The following RBM23 variants were observed in gnomAD, a reference collection of about 807,000 sequenced individuals.
The protein encoded by RBM23 is probable RNA-binding protein 23.
Under a neutral mutation model 56.2 loss-of-function variants are expected in RBM23, and 53 were observed. The ratio of observed to expected loss-of-function variants is 0.94; its 90% CI spans 0.76 to 1.19. RBM23 has a LOEUF of 1.19. RBM23 is among the 50% of genes most tolerant of loss of function. RBM23 has a pLI of 0.00. For synonymous variants in RBM23, 197 were observed against 198.5 expected, an observed-to-expected ratio of 0.99 and a Z score of 0.06; for missense variants, 642 against 590.3, an observed-to-expected ratio of 1.09 and a Z score of -0.91.
rs2040595170 is a variant in RBM23, at chr14:22,902,021, C to T, written c.1205G>A (p.Gly402Glu). The change falls in exon 12 of 14, where the codon GGA becomes GAA. Residue 402 changes from glycine to glutamate, a missense_variant. Physicochemically the swap from Gly to Glu is moderately conservative, Grantham distance 98 (BLOSUM62 -2). Transcript: ENST00000359890. ...AAQAAALQLN[G>E]AVPLGALNPA... ...ATTCAGGGCCCCCAAGGGAACTGCT[C>T]CATTCAGTTGCAAGGCAGCAGCCTG... The T allele has an allele frequency of 6.2e-7, 1 of 1,612,526 alleles. No homozygotes were observed. The highest frequency in any genetic ancestry group is 8.5e-7 in the Non-Finnish European group (1 of 1,179,232).
chr14:22,910,831 T>C (rs536356548), intron 2 of RBM23, among the ~76,000 whole-genome samples: 4 of 152,300 alleles, frequency 2.6e-5, no homozygotes, highest in South Asian at 4.1e-4. Flanking sequence ...GCCAACATGG[T>C]GAAACCCCGT....
chr14:22,910,909 G>A (rs1293954596), intron 2 of RBM23, among the ~76,000 whole-genome samples: 2 of 152,078 alleles, frequency 1.3e-5, no homozygotes, highest in Non-Finnish European at 2.9e-5. Flanking sequence ...TACTTGGGAC[G>A]CTGAGGCATG....
rs772342999 is a variant in RBM23, at chr14:22,903,237, G to C, written c.931-855C>G. Reference sequence around the variant, plus strand: ...CTGACCAGAAGGCCTTTACTCTCTAGTCCCTTTTATCAGCAGCACCCAGCA... The same window carrying C: ...CTGACCAGAAGGCCTTTACTCTCTACTCCCTTTTATCAGCAGCACCCAGCA... On this transcript the variant is annotated intron_variant, in intron 10 of 13. Transcript: ENST00000359890. 13 of 985,416 alleles carry C rather than the reference G, an allele frequency of 1.3e-5. No individual in the cohort carries two copies. The African/African-American group carries it at 1.6e-4, about 12-fold the overall frequency. 61.0% of individuals were successfully genotyped at this position (985,416 alleles called of 1,614,324 possible). A position where few individuals can be genotyped will look rare whatever the true frequency, so the allele number is the denominator to read the frequency against.
intron 10 of RBM23, chr14:22,903,294 CTGTT>C (rs886757559): frequency 8.4e-5 from 83 of 985,488 alleles, no homozygotes; most frequent in East Asian, 2.3e-4. Context: ...TCCCAGTCTG[CTGTT>C]TGTTTAAGTG....
intron 1 of RBM23, among the ~76,000 whole-genome samples, chr14:22,915,552 G>A (rs1203281503): frequency 1.5e-5 from 2 of 136,474 alleles, no homozygotes; most frequent in East Asian, 2.3e-4. Context: ...CTGGAGTGCG[G>A]TGGCACAATC....
Position 22,906,277 on chromosome 14 carries a change from G to A in RBM23, c.319C>T (p.Arg107Cys), listed in dbSNP as rs768066017. Reference protein sequence around the residue: ...QCRHRSRSWDRRHGSESRSRD... With the variant: ...QCRHRSRSWDCRHGSESRSRD... ...CTTCGCGACTCACTACCATGTCGAC[G>A]ATCCCAGCTACGGCTACGGTGACGA... The change falls in exon 5 of 14, where the codon CGT becomes TGT. Residue 107 changes from arginine to cysteine, a missense_variant. Coordinates refer to ENST00000359890, the MANE Select transcript of RBM23 (RefSeq NM_001077351.2). 30 of 1,614,080 alleles carry A rather than the reference G, an allele frequency of 1.9e-5. No homozygotes were observed. Among genetic ancestry groups the A allele is most frequent in the African/African-American group, 5.3e-5 (4 of 74,940 alleles).
intron 4 of RBM23, 28 bp from the exon 5 acceptor site, chr14:22,906,396 C>A: frequency 6.2e-7 from 1 of 1,609,818 alleles, no homozygotes; most frequent in Non-Finnish European, 8.5e-7. Flanking sequence ...TACAGTCATG[C>A]CCACATCATG....
At chr14:22,908,865 G>A (rs1258284083) in intron 3 of RBM23, 1 of 154,782 alleles carries the variant, frequency 6.5e-6, no homozygotes, top group Non-Finnish European at 1.4e-5. Flanking sequence ...AGCCCTGAAA[G>A]CTGTCAGGCA....
intron 1 of RBM23, 193 bp from the exon 2 acceptor site, chr14:22,911,596 T>C (rs1010142546): frequency 2.3e-6 from 1 of 433,822 alleles, no homozygotes; most frequent in Admixed American, 3.6e-5. Flanking sequence ...AGATCTGAAC[T>C]AGTTCGACTT....
rs747696152 is a variant in RBM23 at position 22,899,753 on chromosome 14, T to G, written c.*1977A>C. ...ACAGACTTAGGAGCTAGAGTCCCAC[T>G]GGCCTTTTATGACTCAAGCAGGCTT... On this transcript the variant is annotated 3_prime_UTR_variant, in exon 14 of 14. Transcript: ENST00000359890. 5 of 152,268 alleles carry G rather than the reference T, an allele frequency of 3.3e-5. No homozygotes were observed. The highest frequency in any genetic ancestry group is 7.3e-5 in the Non-Finnish European group (5 of 68,050). 9.4% of individuals were successfully genotyped at this position (152,268 alleles called of 1,614,324 possible). A position where few individuals can be genotyped will look rare whatever the true frequency, so the allele number is the denominator to read the frequency against.
In RBM23 at chr14:22,898,707, T is replaced by A. The variant is rs1301980138; in HGVS notation, c.*3023A>T. The A allele has an allele frequency of 6.7e-6, 1 of 149,798 alleles. No individual in the cohort carries two copies. The highest frequency in any genetic ancestry group is 1.5e-5 in the Non-Finnish European group (1 of 67,040). 9.3% of individuals were successfully genotyped at this position (149,798 alleles called of 1,614,324 possible). ...AAGAACTGAGGTGGAAGGATCCGAG[T>A]GTAGGAAGGCCAAGGTAGCTAGGGA... On this transcript the variant is annotated 3_prime_UTR_variant, in exon 14 of 14. Coordinates refer to ENST00000359890, the MANE Select transcript of RBM23 (RefSeq NM_001077351.2).
chr14:22,912,547 A>G (rs1246885815), intron 1 of RBM23, among the ~76,000 whole-genome samples: 6 of 152,102 alleles, frequency 3.9e-5, no homozygotes, highest in African/African-American at 1.4e-4. Context: ...ACCAAAGAAA[A>G]CCAATAGGAT....
rs1360868904 is a variant in RBM23, at chr14:22,899,384, C to T, written c.*2346G>A. 3 of 152,336 alleles carry T rather than the reference C, an allele frequency of 2.0e-5. No individual in the cohort carries two copies. The highest frequency in any genetic ancestry group is 7.2e-5 in the African/African-American group (3 of 41,438). The allele number at this position is 152,336 out of a possible 1,614,324, so 9.4% of individuals were successfully genotyped here. On this transcript the variant is annotated 3_prime_UTR_variant, in exon 14 of 14. Transcript: ENST00000359890. ...AGCCTCCAGAACTGTGAGAAATACA[C>T]TTTTCTGTTTTTTTGAGATGGAGGC...
At chr14:22,903,421 C>T (rs1315692034) in intron 10 of RBM23, 1 of 985,368 alleles carries the variant, frequency 1.0e-6, no homozygotes, top group African/African-American at 1.7e-5. Context: ...TTACTTGCCA[C>T]CACAGAATTG....
rs949755131 is a variant in RBM23 at position 22,896,290 on chromosome 14, TA to T, written c.*5439del. The T allele has an allele frequency of 3.9e-5, 6 of 152,224 alleles. No homozygotes were observed. The highest frequency in any genetic ancestry group is 1.4e-4 in the African/African-American group (6 of 41,448). The allele number at this position is 152,224 out of a possible 1,614,324, so 9.4% of individuals were successfully genotyped here. A position where few individuals can be genotyped will look rare whatever the true frequency, so the allele number is the denominator to read the frequency against. The stretch of plus-strand genomic sequence containing the variant: ...AGAAGTGAAGTAACCTACCCAAGCT[TA>T]TTCAGCTAGTTTGTGAGGGAAGAGG... On this transcript the variant is annotated 3_prime_UTR_variant, in exon 14 of 14. Transcript: ENST00000359890.
At position 22,898,369 on chromosome 14, in the gene RBM23, T is replaced by C. The variant is rs1403414614; in HGVS notation, c.*3361A>G. On this transcript the variant is annotated 3_prime_UTR_variant, in exon 14 of 14. Coordinates refer to ENST00000359890, the MANE Select transcript of RBM23 (RefSeq NM_001077351.2). ...AAGACTGGTAGGGAAATTCTAACTA[T>C]GCTGGCAAAGGATCTAGATCACAAT... The C allele has an allele frequency of 2.0e-5, 3 of 152,190 alleles. No individual in the cohort carries two copies. The highest frequency in any genetic ancestry group is 1.3e-4 in the Admixed American group (2 of 15,286). 9.4% of individuals were successfully genotyped at this position (152,190 alleles called of 1,614,324 possible). A position where few individuals can be genotyped will look rare whatever the true frequency, so the allele number is the denominator to read the frequency against.
intron 5 of RBM23, 98 bp from the exon 6 acceptor site, chr14:22,905,757 A>C: frequency 1.0e-6 from 1 of 965,738 alleles, no homozygotes; most frequent in Non-Finnish European, 1.6e-6. Flanking sequence ...ACTTCATCTC[A>C]TTGTTTTTTT....
At position 22,908,292 on chromosome 14, in the gene RBM23, T is replaced by C. The variant is rs765431538; in HGVS notation, c.227+41A>G. 8 of 1,546,144 alleles carry C rather than the reference T, an allele frequency of 5.2e-6. No homozygotes were observed. The African/African-American group carries it at 9.6e-5, about 19-fold the overall frequency. On this transcript the variant is annotated intron_variant, in intron 4 of 13. Transcript: ENST00000359890. ...CGCCTTGGCTTCCAAAGTGCTAGGA[T>C]TAAAGATACGAGCCACTGTGCCTGG...
At position 22,900,428 on chromosome 14, in the gene RBM23, G is replaced by A. The variant is rs2040353120; in HGVS notation, c.*1302C>T. 1 of 147,642 alleles carries A rather than the reference G, an allele frequency of 6.8e-6. No homozygotes were observed. The highest frequency in any genetic ancestry group is 2.5e-5 in the African/African-American group (1 of 39,770). The allele number at this position is 147,642 out of a possible 1,614,324, so 9.1% of individuals were successfully genotyped here. ...CTGGAAAGATCTGTCATTAGGCACA[G>A]AGAAGGAGCCTGTTAAGTCTAAGTC... On this transcript the variant is annotated 3_prime_UTR_variant, in exon 14 of 14. Coordinates refer to ENST00000359890, the MANE Select transcript of RBM23 (RefSeq NM_001077351.2).
Sources: gnomAD v4.1 joint callset for allele counts (sites outside exome capture counted in the v4.1 genomes callset) on GRCh38, gnomAD v4.1.1 for gene constraint, MANE v1.5 for transcripts, NCBI Gene and HGNC (gene_info 2026-07-23, HGNC 2026-07-21) for gene names.